NRXN1: variants seen among roughly 807,000 people sequenced by gnomAD.
The protein encoded by NRXN1 is neurexin 1, also known as neurexin-1.
In NRXN1, 39 loss-of-function variants were observed where a neutral mutation model predicts 150.9. The observed-to-expected ratio is 0.26, with a 90% CI of 0.20 to 0.34. The LOEUF is 0.34. NRXN1 is among the 10% of genes least tolerant of loss of function. The probability of loss-of-function intolerance (pLI) is 1.00; values close to 1 mark genes in which losing one functional copy is unlikely to be tolerated. For synonymous variants in NRXN1, 924 were observed against 757.0 expected, an observed-to-expected ratio of 1.22 and a Z score of -3.62; for missense variants, 1,815 against 1,949.9, an observed-to-expected ratio of 0.93 and a Z score of 1.30.
At chr2:50,578,042 A>T (rs189685127) in intron 8 of NRXN1, among the ~76,000 whole-genome samples, 1 of 152,162 alleles carries the variant, frequency 6.6e-6, no homozygotes, top group Non-Finnish European at 1.5e-5. Context: ...GTATTTTCCT[A>T]CTATAATGTT....
At chr2:50,264,614 T>C (rs1311569211) in intron 17 of NRXN1, among the ~76,000 whole-genome samples, 1 of 152,026 alleles carries the variant, frequency 6.6e-6, no homozygotes, top group East Asian at 1.9e-4. Flanking sequence ...GAATGAGAAG[T>C]AGGCTGTCAT....
chr2:50,272,623 G>A (rs541667763), intron 17 of NRXN1, among the ~76,000 whole-genome samples: 21 of 152,048 alleles, frequency 1.4e-4, no homozygotes, highest in South Asian at 2.1e-4. Flanking sequence ...AGGAAAAAAT[G>A]GAAGAGTAAA....
intron 5 of NRXN1, among the ~76,000 whole-genome samples, chr2:50,788,168 G>A (rs1306681559): frequency 6.6e-6 from 1 of 151,242 alleles, no homozygotes; most frequent in Non-Finnish European, 1.5e-5. Flanking sequence ...CTCACTGTGA[G>A]CTCCGCCTCC....
At chr2:50,054,823 A>G (rs1169934082) in intron 20 of NRXN1, 132 bp downstream of exon 20, 6 of 576,880 alleles carry the variant, frequency 1.0e-5, no homozygotes, top group Non-Finnish European at 1.8e-5. Context: ...TCTACATTTT[A>G]CTGTTTTAAA....
intron 17 of NRXN1, among the ~76,000 whole-genome samples, chr2:50,313,716 G>C (rs1207674358): frequency 1.3e-5 from 2 of 152,102 alleles, no homozygotes; most frequent in Non-Finnish European, 2.9e-5. Flanking sequence ...TAAATGATGG[G>C]AATCAGATCC....
intron 5 of NRXN1, among the ~76,000 whole-genome samples, chr2:50,647,537 A>G (rs1684995320): frequency 6.6e-6 from 1 of 151,964 alleles, no homozygotes; most frequent in Non-Finnish European, 1.5e-5. Context: ...AGCACGTGGT[A>G]TCCTAACTAG....
intron 2 of NRXN1, among the ~76,000 whole-genome samples, chr2:50,995,427 C>T (rs182965236): frequency 6.6e-6 from 1 of 151,792 alleles, no homozygotes; most frequent in African/African-American, 2.4e-5. Context: ...CAAAACAATA[C>T]AAATATATCT....
chr2:50,126,356 A>T (rs1704585669), intron 18 of NRXN1, among the ~76,000 whole-genome samples: 1 of 152,058 alleles, frequency 6.6e-6, no homozygotes, highest in African/African-American at 2.4e-5. Flanking sequence ...ACTCTGTTTA[A>T]GTCGTGGGTA....
chr2:50,100,591 A>T (rs1044901113), intron 18 of NRXN1, among the ~76,000 whole-genome samples: 5 of 152,096 alleles, frequency 3.3e-5, no homozygotes, highest in Admixed American at 3.3e-4. Context: ...TTCTCAAACC[A>T]TTATGAAGTT....
chr2:50,847,891 C>T (rs1269636301), intron 5 of NRXN1, among the ~76,000 whole-genome samples: 1 of 152,142 alleles, frequency 6.6e-6, no homozygotes, highest in Non-Finnish European at 1.5e-5. Flanking sequence ...AAAACCATCT[C>T]CCTCTGGCTC....
At chr2:50,204,878 T>C (rs1028331092) in intron 18 of NRXN1, among the ~76,000 whole-genome samples, 6 of 152,090 alleles carry the variant, frequency 3.9e-5, no homozygotes, top group Non-Finnish European at 7.4e-5. Context: ...CCAGTTATTA[T>C]TACTATTACT....
intron 5 of NRXN1, among the ~76,000 whole-genome samples, chr2:50,823,540 A>T (rs1670024470): frequency 6.6e-6 from 1 of 152,158 alleles, no homozygotes; most frequent in South Asian, 2.1e-4. Flanking sequence ...TTCCCATAGC[A>T]CTGCTTTTTC....
chr2:50,278,264 T>TATATTATATATATTA (rs1553368503), intron 17 of NRXN1, among the ~76,000 whole-genome samples: 14 of 66,238 alleles, frequency 2.1e-4, no homozygotes, highest in African/African-American at 7.4e-4. Flanking sequence ...ATTATATATA[T>TATATTATATATATTA]TATATATGTA....
At chr2:50,111,901 A>G (rs1476094531) in intron 18 of NRXN1, among the ~76,000 whole-genome samples, 1 of 152,122 alleles carries the variant, frequency 6.6e-6, no homozygotes, top group Non-Finnish European at 1.5e-5. Flanking sequence ...CCTTAGCACA[A>G]TACACTAACT....
At chr2:50,492,624 C>A (rs540050396) in intron 15 of NRXN1, among the ~76,000 whole-genome samples, 1 of 152,246 alleles carries the variant, frequency 6.6e-6, no homozygotes, top group African/African-American at 2.4e-5. Context: ...TTCCCCAACT[C>A]CCGGGTCCTA....
At chr2:50,664,565 C>T (rs982796592) in intron 5 of NRXN1, among the ~76,000 whole-genome samples, 5 of 151,590 alleles carry the variant, frequency 3.3e-5, no homozygotes, top group African/African-American at 1.2e-4. Flanking sequence ...AGGCAAAGCC[C>T]TTGATTCGCT....
chr2:50,139,389 C>A (rs189905553), intron 18 of NRXN1, among the ~76,000 whole-genome samples: 1 of 151,316 alleles, frequency 6.6e-6, no homozygotes, highest in African/African-American at 2.4e-5. Flanking sequence ...TAATGTTATT[C>A]CATCACGTAG....
chr2:50,584,667 T>A (rs1485726132), intron 8 of NRXN1, among the ~76,000 whole-genome samples: 1 of 152,142 alleles, frequency 6.6e-6, no homozygotes, highest in Admixed American at 6.5e-5. Context: ...AGTTTAAGGG[T>A]TCTGTTACCT....
chr2:50,488,881 C>G (rs930589013), intron 15 of NRXN1, among the ~76,000 whole-genome samples: 1 of 152,192 alleles, frequency 6.6e-6, no homozygotes, highest in Non-Finnish European at 1.5e-5. Flanking sequence ...CGCATCACCA[C>G]TCCTGGCATT....
Sources: allele counts gnomAD v4.1 joint callset (sites outside exome capture counted in the v4.1 genomes callset), GRCh38; gene constraint gnomAD v4.1.1; transcripts MANE v1.5; gene names NCBI Gene and HGNC (gene_info 2026-07-23, HGNC 2026-07-21).